ZNF43: variants seen among roughly 807,000 people sequenced by gnomAD.
The protein encoded by ZNF43 is zinc finger protein 39-like 1 (KOX 27).
A neutral mutation model predicts 68.4 loss-of-function variants in ZNF43; 44 were observed. The observed-to-expected ratio is 0.64, with a 90% CI of 0.51 to 0.83. The LOEUF (loss-of-function observed/expected upper bound fraction) is 0.83. Ranked by LOEUF, ZNF43 falls within the 40% of genes least tolerant of loss-of-function variation. The pLI, the probability that ZNF43 is intolerant of heterozygous loss-of-function variation, is 0.00. For synonymous variants in ZNF43, 308 were observed against 307.8 expected, an observed-to-expected ratio of 1.00 and a Z score of -0.01; for missense variants, 896 against 933.2, an observed-to-expected ratio of 0.96 and a Z score of 0.52.
At chr19:21,815,855 T>C (rs2037501754) in intron 3 of ZNF43, among the ~76,000 whole-genome samples, 1 of 151,704 alleles carries the variant, frequency 6.6e-6, no homozygotes, top group Non-Finnish European at 1.5e-5. Flanking sequence ...GGTCAGAAGT[T>C]ATAGACCAAC....
intron 1 of ZNF43, among the ~76,000 whole-genome samples, chr19:21,823,294 A>C (rs1266362220): frequency 6.6e-6 from 1 of 152,164 alleles, no homozygotes; most frequent in Admixed American, 6.5e-5. Context: ...AAATTAGTTT[A>C]TCTGTTTGAG....
intron 2 of ZNF43, among the ~76,000 whole-genome samples, chr19:21,818,636 G>A (rs1416106759): frequency 3.3e-5 from 5 of 152,082 alleles, no homozygotes; most frequent in Admixed American, 3.3e-4. Context: ...GGTCAGGCTG[G>A]TCTCAAACTC....
rs552694199 is a variant in ZNF43, at chr19:21,814,408, T to A, written c.229+3480A>T. On this transcript the variant is annotated intron_variant, in intron 3 of 3. Coordinates refer to ENST00000354959, the MANE Select transcript of ZNF43 (RefSeq NM_003423.4). ...ATTGTGATAGACATTTGGTGATTGATCTCTTTTTTTTTTTTTTTCTGAGAT... is the reference window on the plus strand; with the variant it reads ...ATTGTGATAGACATTTGGTGATTGAACTCTTTTTTTTTTTTTTTCTGAGAT... 3.0e-3 allele frequency among the ~76,000 whole-genome samples: 444 copies of A among 149,196 alleles called. 1 individual carries two copies. Among genetic ancestry groups the A allele is most frequent in the Non-Finnish European group, 4.7e-3 (316 of 67,352 alleles).
At chr19:21,826,463 CAGAA>C (rs1438388749) in intron 1 of ZNF43, 2 of 152,118 alleles carry the variant, frequency 1.3e-5, no homozygotes, top group African/African-American at 2.4e-5. Context: ...ATTGCAAAGA[CAGAA>C]AGAGAGTTCA....
intron 2 of ZNF43, 114 bp downstream of exon 2, chr19:21,818,981 C>T (rs1053075580): frequency 3.5e-6 from 5 of 1,409,026 alleles, no homozygotes; most frequent in African/African-American, 1.5e-5. Context: ...TTTTTGAAAA[C>T]AGGAATCTGA....
intron 1 of ZNF43, 91 bp downstream of exon 1, chr19:21,835,945 G>C: frequency 3.7e-6 from 6 of 1,602,008 alleles, no homozygotes; most frequent in South Asian, 2.2e-5. Context: ...CAAGAACTCC[G>C]GCACGCGCAG....
Position 21,817,871 on chromosome 19 carries a change from C to G in ZNF43, c.229+17G>C, listed in dbSNP as rs1356035496. 1.2e-6 allele frequency: 2 copies of G among 1,608,040 alleles called. No homozygotes were observed. The highest frequency in any genetic ancestry group is 1.7e-6 in the Non-Finnish European group (2 of 1,175,168). On this transcript the variant is annotated intron_variant, in intron 3 of 3. Transcript: ENST00000354959. ...TTCTCATCTGTGTTTGTTGTATTCA[C>G]TTTCACTCTCACCTACCTGGGGGTT...
intron 1 of ZNF43, among the ~76,000 whole-genome samples, chr19:21,845,953 G>A (rs553490768): frequency 4.0e-5 from 6 of 151,258 alleles, no homozygotes; most frequent in African/African-American, 1.5e-4. Context: ...TGTAGGTGCT[G>A]GGCCCAGTGA....
chr19:21,843,693 G>A (rs774169481), intron 1 of ZNF43, among the ~76,000 whole-genome samples: 4 of 152,160 alleles, frequency 2.6e-5, no homozygotes, highest in Non-Finnish European at 4.4e-5. Flanking sequence ...GGAGGCTGAG[G>A]CAGGAGAATC....
chr19:21,839,461 A>G (rs1461571790), upstream of ZNF43: 2 of 152,120 alleles, frequency 1.3e-5, no homozygotes, highest in Admixed American at 6.6e-5. Flanking sequence ...TGCTTGACTA[A>G]GCGATATGTT....
chr19:21,843,647 G>T (rs1967695293), intron 1 of ZNF43, among the ~76,000 whole-genome samples: 1 of 152,122 alleles, frequency 6.6e-6, no homozygotes, highest in African/African-American at 2.4e-5. Flanking sequence ...AAATTAGCTG[G>T]ATATGGTGGC....
intron 1 of ZNF43, among the ~76,000 whole-genome samples, chr19:21,846,546 G>A (rs1294306460): frequency 6.6e-6 from 1 of 152,140 alleles, no homozygotes; most frequent in South Asian, 2.1e-4. Flanking sequence ...CATGGTCCAG[G>A]CAGGAAACTC....
chr19:21,808,637 G>C lies in ZNF43; in HGVS notation c.1400C>G (p.Ser467Ter). Reference sequence around the variant, plus strand: ...AATTCTCTTATGTGTAGTAAGGTTTGAGAACTGGTTAAAGGCTTTGCCACA... The same window carrying C: ...AATTCTCTTATGTGTAGTAAGGTTTCAGAACTGGTTAAAGGCTTTGCCACA... Reference protein sequence around the residue: ...EVCGKAFNQFSNLTTHKRIHT... With the variant: ...EVCGKAFNQF The change falls in exon 4 of 4, where the codon TCA becomes TGA. Residue 467 changes from serine (S) to a stop codon, truncating the protein, a stop_gained. Transcript: ENST00000354959. LOFTEE classifies it high-confidence loss of function. 6.2e-7 allele frequency: 1 copy of C among 1,613,748 alleles called. No homozygotes were observed. The highest frequency in any genetic ancestry group is 1.7e-5 in the Admixed American group (1 of 59,994).
rs1373682196 is a variant in ZNF43, at chr19:21,805,106, C to T, written c.*2501G>A. On this transcript the variant is annotated 3_prime_UTR_variant, in exon 4 of 4. Transcript: ENST00000354959. ...GGATAAATGCTGAAGGTAATAGATA[C>T]TTTATCCTGATGTGACTAATACATA... 1 of 152,084 alleles carries T rather than the reference C, an allele frequency of 6.6e-6. No homozygotes were observed. The highest frequency in any genetic ancestry group is 1.9e-4 in the East Asian group (1 of 5,196). The allele number at this position is 152,084 out of a possible 1,614,324, so 9.4% of individuals were successfully genotyped here. A position where few individuals can be genotyped will look rare whatever the true frequency, so the allele number is the denominator to read the frequency against.
At chr19:21,826,000 GA>G (rs1361407679) in intron 1 of ZNF43, among the ~76,000 whole-genome samples, 9 of 152,178 alleles carry the variant, frequency 5.9e-5, no homozygotes, top group South Asian at 2.1e-4. Context: ...AGTAGGCCGA[GA>G]TGGTGCCACT....
chr19:21,841,701 G>A (rs1251879013), intron 1 of ZNF43: 1 of 152,156 alleles, frequency 6.6e-6, no homozygotes, highest in South Asian at 2.1e-4. Flanking sequence ...CAATACAAGG[G>A]GCCCAGGTTA....
In ZNF43 at chr19:21,808,165, A is replaced by T; in HGVS notation, c.1872T>A (p.Cys624Ter). The T allele has an allele frequency of 6.2e-7, 1 of 1,613,316 alleles. No homozygotes were observed. The highest frequency in any genetic ancestry group is 8.5e-7 in the Non-Finnish European group (1 of 1,179,756). Reference protein sequence around the residue: ...KIHTGGKPYKCEECGKAFNQF... With the variant: ...KIHTGGKPYK ...GGTTAAAAGCTTTGCCACATTCTTC[A>T]CATTTGTAGGGTTTTCCTCCAGTAT... The change falls in exon 4 of 4, where the codon TGT (cysteine) becomes TGA (stop). Residue 624 changes from cysteine (C) to a stop codon, truncating the protein, a stop_gained. Coordinates refer to ENST00000354959, the MANE Select transcript of ZNF43 (RefSeq NM_003423.4). LOFTEE classifies it high-confidence loss of function.
At chr19:21,817,570 T>C (rs1241761305) in intron 3 of ZNF43, among the ~76,000 whole-genome samples, 1 of 152,152 alleles carries the variant, frequency 6.6e-6, no homozygotes, top group East Asian at 1.9e-4. Context: ...TTCTCAAAAG[T>C]ATGCAGATAT....
chr19:21,837,663 A>C (rs781200572), upstream of ZNF43, among the ~76,000 whole-genome samples: 4 of 151,962 alleles, frequency 2.6e-5, no homozygotes, highest in Non-Finnish European at 5.9e-5. Flanking sequence ...AATACCAGCT[A>C]ATTTTTTGTA....
Sources: allele counts gnomAD v4.1 joint callset (sites outside exome capture counted in the v4.1 genomes callset), GRCh38; gene constraint gnomAD v4.1.1; transcripts MANE v1.5; gene names NCBI Gene and HGNC (gene_info 2026-07-23, HGNC 2026-07-21).